Variants in EVI5L observed in about 807,000 individuals in gnomAD.
The protein encoded by EVI5L is EVI5-like protein.
A neutral mutation model predicts 106.1 loss-of-function variants in EVI5L; 30 were observed. The observed-to-expected ratio is 0.28, with a 90% CI of 0.21 to 0.38. EVI5L has a LOEUF of 0.38. Among genes scored for constraint, EVI5L ranks in the 10% least tolerant of loss-of-function variants. EVI5L has a pLI of 1.00. For missense variants in EVI5L, 809 were observed against 1,098.0 expected (o/e 0.74, Z 3.72); for synonymous variants, 489 against 483.3 (o/e 1.01, Z -0.15).
Position 7,857,040 on chromosome 19 carries a change from C to A in EVI5L, c.1201-52C>A. 5.2e-6 allele frequency: 8 copies of A among 1,549,220 alleles called. No homozygotes were observed. Among genetic ancestry groups the A allele is most frequent in the African/African-American group, 1.4e-5 (1 of 73,138 alleles). On this transcript the variant is annotated intron_variant, in intron 11 of 19. Transcript: ENST00000538904. The surrounding 1 kb of genome is among the most constrained non-coding windows in gnomAD (Gnocchi z 4.5). ...CTGTCTCCCCTCTCCTGTCCCCGCG[C>A]CTTCCGCTCTGCCTCCTCCCCCTGT...
chr19:7,858,862 C>T lies in EVI5L; in HGVS notation c.1374+531C>T. The T allele has an allele frequency of 6.5e-6, 1 of 153,140 alleles. No individual in the cohort carries two copies. 9.5% of individuals were successfully genotyped at this position (153,140 alleles called of 1,614,324 possible). On this transcript the variant is annotated intron_variant, in intron 13 of 19. Coordinates refer to ENST00000538904, the MANE Select transcript of EVI5L (RefSeq NM_001159944.3). The surrounding 1 kb of genome is among the most constrained non-coding windows in gnomAD (Gnocchi z 5.7). ...ATGATGGGCAGGCCCATGAGTGGGG[C>T]CCCACCCCAAGATTTTCTTCTCCTG...
At chr19:7,843,127 CATGT>C (rs1978734539) in intron 1 of EVI5L, among the ~76,000 whole-genome samples, 1 of 95,592 alleles carries the variant, frequency 1.0e-5, no homozygotes, top group African/African-American at 4.1e-5. Context: ...GTGTCATGTG[CATGT>C]GTGTGTATAG....
Position 7,863,082 on chromosome 19 carries a change from C to G in EVI5L, c.2043+15C>G. 1 of 1,206,942 alleles carries G rather than the reference C, an allele frequency of 8.3e-7. No individual in the cohort carries two copies. The highest frequency in any genetic ancestry group is 1.6e-5 in the African/African-American group (1 of 63,234). 74.8% of individuals were successfully genotyped at this position (1,206,942 alleles called of 1,614,324 possible). ...TGGAGATCCAGGTGATCGGCGGGGCCGGGGTCGGGGGGCGGGGGCGGGGGC... is the reference window on the plus strand; with the variant it reads ...TGGAGATCCAGGTGATCGGCGGGGCGGGGGTCGGGGGGCGGGGGCGGGGGC... On this transcript the variant is annotated intron_variant, in intron 18 of 19. Transcript: ENST00000538904. This position sits in a 1 kb window ranked among gnomAD's most constrained non-coding sequence, Gnocchi z 7.7.
chr19:7,846,055 C>T (rs765602994), intron 1 of EVI5L, among the ~76,000 whole-genome samples: 4 of 152,180 alleles, frequency 2.6e-5, no homozygotes, highest in Non-Finnish European at 5.9e-5. Context: ...CAGGGCAGGC[C>T]GTGGCGGGGA....
intron 5 of EVI5L, 27 bp from the exon 6 acceptor site, chr19:7,849,970 G>A (rs527377964): frequency 5.8e-6 from 9 of 1,564,852 alleles, no homozygotes; most frequent in Admixed American, 3.8e-5. Flanking sequence ...GCTGCCCTGA[G>A]CCCCCCCACC....
intron 1 of EVI5L, among the ~76,000 whole-genome samples, chr19:7,831,466 G>A (rs1426124603): frequency 2.6e-5 from 4 of 151,686 alleles, no homozygotes; most frequent in Non-Finnish European, 5.9e-5. Flanking sequence ...GGTGCCTGCC[G>A]CACCCCAGGA....
At position 7,863,275 on chromosome 19, in the gene EVI5L, G is replaced by A. The variant is rs918263469; in HGVS notation, c.2134G>A (p.Ala712Thr). The change falls in exon 19 of 20, where the codon GCC becomes ACC. Residue 712 changes from alanine to threonine, a missense_variant. By Grantham distance (58) the Ala-to-Thr change is moderately conservative. Coordinates refer to ENST00000538904, the MANE Select transcript of EVI5L (RefSeq NM_001159944.3). The surrounding 1 kb of genome is among the most constrained non-coding windows in gnomAD (Gnocchi z 7.7). ...CAAGGACCAGATCGAGGAGCTGAAGGCCGAGGTGAGCCGGCGCGGGGATGC... is the reference window on the plus strand; with the variant it reads ...CAAGGACCAGATCGAGGAGCTGAAGACCGAGGTGAGCCGGCGCGGGGATGC... Reference protein sequence around the residue: ...ELKDQIEELKAEVRLLKGPPP... With the variant: ...ELKDQIEELKTEVRLLKGPPP... 1.3e-6 allele frequency: 2 copies of A among 1,554,764 alleles called. No individual in the cohort carries two copies. The highest frequency in any genetic ancestry group is 1.4e-5 in the African/African-American group (1 of 73,590).
chr19:7,862,363 C>T, intron 16 of EVI5L, 25 bp from the exon 17 acceptor site: 2 of 1,585,912 alleles, frequency 1.3e-6, no homozygotes, highest in South Asian at 2.3e-5. Context: ...CGCCGTCCTC[C>T]GTCCTCCCTT....
At position 7,845,925 on chromosome 19, in the gene EVI5L, C is replaced by A. The variant is rs953379750; in HGVS notation, c.-47-571C>A. Among the ~76,000 whole-genome samples, 2 of 152,202 alleles carry A rather than the reference C, an allele frequency of 1.3e-5. No homozygotes were observed. Among genetic ancestry groups the A allele is most frequent in the South Asian group, 2.1e-4 (1 of 4,832 alleles). On this transcript the variant is annotated intron_variant, in intron 1 of 19. Coordinates refer to ENST00000538904, the MANE Select transcript of EVI5L (RefSeq NM_001159944.3). This position sits in a 1 kb window ranked among gnomAD's most constrained non-coding sequence, Gnocchi z 4.0. ...CCTGGCTTCTCAACCCAAGGGGAGTCGACTCTTCTGGCCATTGGCAGCGCC... is the reference window on the plus strand; with the variant it reads ...CCTGGCTTCTCAACCCAAGGGGAGTAGACTCTTCTGGCCATTGGCAGCGCC...
intron 1 of EVI5L, among the ~76,000 whole-genome samples, chr19:7,839,707 T>C (rs1192169190): frequency 2.0e-5 from 3 of 152,014 alleles, no homozygotes; most frequent in Admixed American, 2.0e-4. Context: ...GAGCATCACT[T>C]GAAGCCAGGA....
Position 7,846,566 on chromosome 19 carries a change from C to A in EVI5L, c.24C>A (p.Pro8=). 6.2e-7 allele frequency: 1 copy of A among 1,612,942 alleles called. No individual in the cohort carries two copies. The highest frequency in any genetic ancestry group is 1.1e-5 in the South Asian group (1 of 90,954). MASPTLS[P]DSSSQEALSA... ...CCATGGCGAGCCCCACTCTGAGCCC[C>A]GACTCCTCATCCCAGGAGGCCCTGT... Residue 8 remains proline, a synonymous_variant, in exon 2 of 20, where the codon CCC becomes CCA. Transcript: ENST00000538904.
Position 7,860,798 on chromosome 19 carries a change from A to G in EVI5L, c.1503+109A>G, listed in dbSNP as rs566824411. 2.8e-5 allele frequency: 36 copies of G among 1,284,522 alleles called. 1 individual carries two copies. The East Asian group carries it at 5.3e-4, about 19-fold the overall frequency. The allele number at this position is 1,284,522 out of a possible 1,614,324, so 79.6% of individuals were successfully genotyped here. On this transcript the variant is annotated intron_variant, in intron 14 of 19. Transcript: ENST00000538904. ...AGGTCAGAATCCCCCACCCCCATGC[A>G]CACACAACCATACATATGCACACAC...
At chr19:7,852,560 C>CTTT (rs55953605) in intron 8 of EVI5L, among the ~76,000 whole-genome samples, 1 of 148,296 alleles carries the variant, frequency 6.7e-6, no homozygotes, top group African/African-American at 2.5e-5. Context: ...TTACCTTTTT[C>CTTT]TTTTTTTTTT....
At chr19:7,842,921 A>T (rs538598286) in intron 1 of EVI5L, among the ~76,000 whole-genome samples, 128 of 147,002 alleles carry the variant, frequency 8.7e-4, no homozygotes, top group African/African-American at 3.2e-3. Context: ...TGTGTGTGTG[A>T]AGGTACCGGG....
At chr19:7,842,439 CTG>C (rs1418869446) in intron 1 of EVI5L, among the ~76,000 whole-genome samples, 22 of 54,360 alleles carry the variant, frequency 4.0e-4, no homozygotes, top group South Asian at 2.1e-3. Flanking sequence ...GTGTGCATGT[CTG>C]TGAGAATGTG....
Position 7,863,092 on chromosome 19 carries a change from G to A in EVI5L, c.2043+25G>A. On this transcript the variant is annotated intron_variant, in intron 18 of 19. Transcript: ENST00000538904. The surrounding 1 kb of genome is among the most constrained non-coding windows in gnomAD (Gnocchi z 7.7). ...GGTGATCGGCGGGGCCGGGGTCGGG[G>A]GGCGGGGGCGGGGGCAGGGCCCGGG... is the stretch of plus-strand genomic sequence containing the variant. 1.3e-6 allele frequency: 1 copy of A among 796,922 alleles called. No individual in the cohort carries two copies. The highest frequency in any genetic ancestry group is 2.1e-6 in the Non-Finnish European group (1 of 477,896). 49.4% of individuals were successfully genotyped at this position (796,922 alleles called of 1,614,324 possible). A position where few individuals can be genotyped will look rare whatever the true frequency, so the allele number is the denominator to read the frequency against.
At chr19:7,846,415 TG>T in intron 1 of EVI5L, 80 bp from the exon 2 acceptor site, 1 of 1,309,380 alleles carries the variant, frequency 7.6e-7, no homozygotes, top group Non-Finnish European at 1.0e-6. Context: ...AAGCCCAGGG[TG>T]AGGAAATGTC....
intron 1 of EVI5L, among the ~76,000 whole-genome samples, chr19:7,833,809 C>T (rs1242988536): frequency 6.6e-6 from 1 of 152,200 alleles, no homozygotes; most frequent in Non-Finnish European, 1.5e-5. Context: ...GGAAAGGCAG[C>T]AAAGCCGCCC....
intron 5 of EVI5L, 73 bp from the exon 6 acceptor site, chr19:7,849,924 G>A (rs1568238964): frequency 1.5e-6 from 2 of 1,300,832 alleles, no homozygotes; most frequent in Non-Finnish European, 2.2e-6. Flanking sequence ...TGTACCCCAG[G>A]GCCCTGATGA....
Sources: allele counts gnomAD v4.1 joint callset (sites outside exome capture counted in the v4.1 genomes callset), GRCh38; gene constraint gnomAD v4.1.1; non-coding constraint Gnocchi (gnomAD v3.1); transcripts MANE v1.5; gene names NCBI Gene and HGNC (gene_info 2026-07-23, HGNC 2026-07-21).